Variants in SLC4A4 observed in about 807,000 individuals in gnomAD.
The protein encoded by SLC4A4 is electrogenic sodium bicarbonate cotransporter 1.
Under a neutral mutation model 111.5 loss-of-function variants are expected in SLC4A4, and 27 were observed. The ratio of observed to expected loss-of-function variants is 0.24; its 90% CI spans 0.18 to 0.33. SLC4A4 has a LOEUF of 0.33. SLC4A4 is among the 10% of genes least tolerant of loss of function. SLC4A4 has a pLI of 1.00. For missense variants in SLC4A4, 909 were observed against 1,315.5 expected (o/e 0.69, Z 4.78); for synonymous variants, 443 against 463.4 (o/e 0.96, Z 0.57).
intron 1 of SLC4A4, among the ~76,000 whole-genome samples, chr4:71,215,768 T>G (rs1718390635): frequency 6.6e-6 from 1 of 152,210 alleles, no homozygotes; most frequent in South Asian, 2.1e-4. Flanking sequence ...CCAAAGGGGC[T>G]AGCAAACAGT....
chr4:71,063,306 G>A (rs1273325649), intron 1 of SLC4A4, among the ~76,000 whole-genome samples: 1 of 152,100 alleles, frequency 6.6e-6, no homozygotes, highest in Non-Finnish European at 1.5e-5. Flanking sequence ...AAACGTTTCT[G>A]TTGTCGGGTA....
intron 2 of SLC4A4, among the ~76,000 whole-genome samples, chr4:71,169,446 G>A (rs113867917): frequency 0.015 from 2,268 of 152,248 alleles, 54 homozygotes; most frequent in African/African-American, 0.052. Context: ...TTTCTCTGAT[G>A]ATCGATGATG....
At chr4:71,368,550 T>C (rs986970331) in intron 6 of SLC4A4, among the ~76,000 whole-genome samples, 1 of 152,182 alleles carries the variant, frequency 6.6e-6, no homozygotes, top group African/African-American at 2.4e-5. Context: ...CATTTGTGCA[T>C]AAGATCCATA....
At chr4:71,063,805 G>GTGC (rs1176566838) in intron 1 of SLC4A4, among the ~76,000 whole-genome samples, 1 of 152,066 alleles carries the variant, frequency 6.6e-6, no homozygotes, top group Non-Finnish European at 1.5e-5. Flanking sequence ...TATGGATATA[G>GTGC]TGCTCTATTT....
intron 3 of SLC4A4, among the ~76,000 whole-genome samples, chr4:71,308,812 G>A (rs749937288): frequency 2.5e-4 from 38 of 152,188 alleles, no homozygotes; most frequent in Non-Finnish European, 4.1e-4. Context: ...CTAGCTGCAC[G>A]TGTGTTTTTT....
rs142921236 is a variant in SLC4A4, at chr4:71,381,742, C to T, written c.731-15835C>T. ...AGTTAGACCTTTTTTTTTGGAGACA[C>T]GTCTCGCTGTGTCACCCAGGCTGGA... On this transcript the variant is annotated intron_variant, in intron 6 of 25. Transcript: ENST00000264485. Among the ~76,000 whole-genome samples, 63 of 152,060 alleles carry T rather than the reference C, an allele frequency of 4.1e-4. 1 individual carries two copies. In the East Asian group the frequency reaches 0.01, roughly 25 times the overall value.
intron 2 of SLC4A4, among the ~76,000 whole-genome samples, chr4:71,121,268 G>A (rs570372008): frequency 6.6e-6 from 1 of 151,860 alleles, no homozygotes; most frequent in South Asian, 2.1e-4. Context: ...TCCCCAATGG[G>A]CACTGCCCCC....
intron 1 of SLC4A4, among the ~76,000 whole-genome samples, chr4:71,228,759 G>A (rs555910531): frequency 1.1e-4 from 16 of 152,218 alleles, no homozygotes; most frequent in South Asian, 2.1e-4. Flanking sequence ...ATTCAAATGC[G>A]TATTTGAGAA....
chr4:71,321,493 G>T (rs753333391), intron 3 of SLC4A4, among the ~76,000 whole-genome samples: 2 of 151,538 alleles, frequency 1.3e-5, no homozygotes, highest in African/African-American at 2.4e-5. Context: ...GACATATGTT[G>T]CTGGTGTGCT....
At chr4:71,266,137 T>G (rs1223775832) in intron 3 of SLC4A4, among the ~76,000 whole-genome samples, 1 of 152,226 alleles carries the variant, frequency 6.6e-6, no homozygotes, top group Non-Finnish European at 1.5e-5. Flanking sequence ...CTTGGTAGTC[T>G]GCCTGATGAC....
chr4:71,097,800 G>A (rs1395431245), intron 2 of SLC4A4, among the ~76,000 whole-genome samples: 6 of 152,062 alleles, frequency 3.9e-5, no homozygotes, highest in African/African-American at 1.4e-4. Context: ...TTTTTCATAG[G>A]ATTGTTGGCG....
At chr4:71,161,683 G>A (rs1269545975) in intron 2 of SLC4A4, among the ~76,000 whole-genome samples, 1 of 152,112 alleles carries the variant, frequency 6.6e-6, no homozygotes, top group East Asian at 1.9e-4. Flanking sequence ...GCTATTAACT[G>A]TTGAATGAAT....
At chr4:71,500,577 C>T (rs1184217707) in intron 16 of SLC4A4, among the ~76,000 whole-genome samples, 1 of 152,154 alleles carries the variant, frequency 6.6e-6, no homozygotes, top group African/African-American at 2.4e-5. Context: ...GCCTTGGCCT[C>T]CCAAAGTGCC....
At chr4:71,466,362 G>C (rs1018984979) in intron 12 of SLC4A4, 82 bp from the exon 13 acceptor site, 1 of 1,496,930 alleles carries the variant, frequency 6.7e-7, no homozygotes, top group Non-Finnish European at 9.3e-7. Flanking sequence ...GTATATTCAC[G>C]TGGCTTTATT....
intron 2 of SLC4A4, among the ~76,000 whole-genome samples, chr4:71,112,502 T>C (rs1361232875): frequency 6.6e-6 from 1 of 152,192 alleles, no homozygotes; most frequent in Non-Finnish European, 1.5e-5. Flanking sequence ...ATAGAAGCTA[T>C]GCATAAAGGA....
At chr4:71,554,556 T>C (rs1186293761) in intron 20 of SLC4A4, among the ~76,000 whole-genome samples, 1 of 151,870 alleles carries the variant, frequency 6.6e-6, no homozygotes, top group Non-Finnish European at 1.5e-5. Context: ...ATTAATTGCT[T>C]CCAAGTGCTC....
chr4:71,293,054 G>T (rs753304726), intron 3 of SLC4A4, among the ~76,000 whole-genome samples: 9 of 149,870 alleles, frequency 6.0e-5, no homozygotes, highest in Non-Finnish European at 1.2e-4. Flanking sequence ...TCTTGGCCAG[G>T]CTGGTCTTGA....
intron 2 of SLC4A4, among the ~76,000 whole-genome samples, chr4:71,103,002 C>A (rs1221122410): frequency 6.7e-6 from 1 of 149,724 alleles, no homozygotes; most frequent in Non-Finnish European, 1.5e-5. Flanking sequence ...CAAGACCCAT[C>A]AGTGTGCTGT....
At chr4:71,098,107 T>C (rs1742612651) in intron 2 of SLC4A4, among the ~76,000 whole-genome samples, 1 of 152,216 alleles carries the variant, frequency 6.6e-6, no homozygotes, top group African/African-American at 2.4e-5. Flanking sequence ...CCTGTTCCTA[T>C]GTCCAGAATG....
Sources: gnomAD v4.1 joint callset for allele counts (sites outside exome capture counted in the v4.1 genomes callset) on GRCh38, gnomAD v4.1.1 for gene constraint, MANE v1.5 for transcripts, NCBI Gene and HGNC (gene_info 2026-07-23, HGNC 2026-07-21) for gene names.